NRG3: variants seen among roughly 807,000 people sequenced by gnomAD.
The protein encoded by NRG3 is neuregulin 3.
In NRG3, 31 loss-of-function variants were observed where a neutral mutation model predicts 66.9. The observed-to-expected ratio is 0.46, with a 90% CI of 0.35 to 0.63. The LOEUF (loss-of-function observed/expected upper bound fraction) is 0.63, where lower values mean the gene tolerates loss of function less well. Ranked by LOEUF, NRG3 falls within the 20% of genes least tolerant of loss-of-function variation. The probability of loss-of-function intolerance (pLI) is 0.00; values close to 1 mark genes in which losing one functional copy is unlikely to be tolerated. For synonymous variants in NRG3, 393 were observed against 359.4 expected, an observed-to-expected ratio of 1.09 and a Z score of -1.06; for missense variants, 910 against 878.9, an observed-to-expected ratio of 1.04 and a Z score of -0.45.
At chr10:82,058,517 G>A (rs1389813150) in intron 1 of NRG3, among the ~76,000 whole-genome samples, 1 of 150,878 alleles carries the variant, frequency 6.6e-6, no homozygotes, top group African/African-American at 2.4e-5. Flanking sequence ...ATGCTTTTAT[G>A]TATAGGTATG....
chr10:82,670,017 T>G (rs1423663414), intron 2 of NRG3, among the ~76,000 whole-genome samples: 1 of 152,100 alleles, frequency 6.6e-6, no homozygotes, highest in Admixed American at 6.5e-5. Flanking sequence ...GAGAGAGTAC[T>G]TTACTGAGAA....
intron 1 of NRG3, among the ~76,000 whole-genome samples, chr10:82,082,288 C>A (rs1408716696): frequency 6.6e-6 from 1 of 152,288 alleles, no homozygotes; most frequent in South Asian, 2.1e-4. Flanking sequence ...CATAGCTTCT[C>A]ACTAAAATAA....
chr10:82,011,795 G>T (rs1467665268), intron 1 of NRG3, among the ~76,000 whole-genome samples: 1 of 152,218 alleles, frequency 6.6e-6, no homozygotes, highest in African/African-American at 2.4e-5. Context: ...AAGTCATGCT[G>T]ACGGAAGAGA....
At chr10:82,173,674 A>AACAC (rs3037392) in intron 1 of NRG3, among the ~76,000 whole-genome samples, 3,999 of 146,536 alleles carry the variant, frequency 0.027, 130 homozygotes, top group East Asian at 0.09. Flanking sequence ...TGCATATGTG[A>AACAC]ACACACACAC....
At chr10:82,707,136 CTT>C (rs1332458266) in intron 2 of NRG3, among the ~76,000 whole-genome samples, 1 of 150,392 alleles carries the variant, frequency 6.6e-6, no homozygotes, top group East Asian at 1.9e-4. Flanking sequence ...TGCATATTAA[CTT>C]GAGGGTCTTT....
chr10:82,782,135 A>G (rs958403869), intron 3 of NRG3, among the ~76,000 whole-genome samples: 1 of 152,120 alleles, frequency 6.6e-6, no homozygotes, highest in African/African-American at 2.4e-5. Flanking sequence ...TTTATCCCCA[A>G]AATTCATGTG....
At chr10:82,948,599 T>A (rs1167055347) in intron 4 of NRG3, among the ~76,000 whole-genome samples, 1 of 152,122 alleles carries the variant, frequency 6.6e-6, no homozygotes, top group Non-Finnish European at 1.5e-5. Flanking sequence ...TAGATCTTCT[T>A]TTAAGCTTTT....
intron 1 of NRG3, among the ~76,000 whole-genome samples, chr10:82,140,593 G>A (rs1307041884): frequency 3.3e-5 from 5 of 152,056 alleles, no homozygotes; most frequent in African/African-American, 1.2e-4. Context: ...CTGGCTGGGT[G>A]CAGTGACTCA....
rs181290572 is a variant in NRG3, at chr10:82,800,401, A to G, written c.1027+61751A>G. On this transcript the variant is annotated intron_variant, in intron 3 of 8. Coordinates refer to ENST00000372141, the MANE Select transcript of NRG3 (RefSeq NM_001010848.4). ...TTTTTACCTACGGGCAAGAAAGGGA[A>G]ACATATTCAACCACTAACATTGACT... is the stretch of plus-strand genomic sequence containing the variant. 3.8e-4 allele frequency among the ~76,000 whole-genome samples: 58 copies of G among 152,150 alleles called. 1 individual carries two copies. Among genetic ancestry groups the G allele is most frequent in the Admixed American group, 9.8e-4 (15 of 15,286 alleles).
In NRG3 at chr10:82,898,822, C is replaced by T. The variant is rs184494672; in HGVS notation, c.1054+33385C>T. ...CTGCAGCCTCTGCCTCTCGGGTTCA[C>T]GCCATTTTTCTGCCTCAGCCTCCCT... On this transcript the variant is annotated intron_variant, in intron 4 of 8. Coordinates refer to ENST00000372141, the MANE Select transcript of NRG3 (RefSeq NM_001010848.4). Among the ~76,000 whole-genome samples, 449 of 147,740 alleles carry T rather than the reference C, an allele frequency of 3.0e-3. 3 individuals carry two copies. The highest frequency in any genetic ancestry group is 3.7e-3 in the Non-Finnish European group (251 of 67,492).
intron 1 of NRG3, among the ~76,000 whole-genome samples, chr10:81,900,887 T>C (rs1844001940): frequency 6.6e-6 from 1 of 152,032 alleles, no homozygotes; most frequent in African/African-American, 2.4e-5. Flanking sequence ...AGTAAAACAT[T>C]TTAAAAGAGG....
At chr10:82,602,943 T>G (rs1234646470) in intron 2 of NRG3, among the ~76,000 whole-genome samples, 1 of 152,160 alleles carries the variant, frequency 6.6e-6, no homozygotes, top group African/African-American at 2.4e-5. Context: ...CAATTCCAGT[T>G]TGCATGTGGC....
chr10:81,881,325 G>A (rs893078028), intron 1 of NRG3, among the ~76,000 whole-genome samples: 1 of 151,898 alleles, frequency 6.6e-6, no homozygotes, highest in Non-Finnish European at 1.5e-5. Context: ...GTAAGTTAGA[G>A]TGCTTAAGTT....
intron 2 of NRG3, among the ~76,000 whole-genome samples, chr10:82,536,842 A>C (rs1590555417): frequency 6.6e-6 from 1 of 151,626 alleles, no homozygotes; most frequent in South Asian, 2.1e-4. Context: ...CAAATTATTA[A>C]ATAATTTTTA....
At chr10:82,010,343 G>A (rs1179604258) in intron 1 of NRG3, among the ~76,000 whole-genome samples, 2 of 152,060 alleles carry the variant, frequency 1.3e-5, no homozygotes, top group Admixed American at 1.3e-4. Context: ...AGTCTTAATG[G>A]GAGAAATATT....
chr10:82,141,342 G>C (rs986558987), intron 1 of NRG3, among the ~76,000 whole-genome samples: 7 of 152,072 alleles, frequency 4.6e-5, no homozygotes, highest in Admixed American at 3.9e-4. Flanking sequence ...CATTAGGGTC[G>C]ACCTTCCCTG....
intron 1 of NRG3, among the ~76,000 whole-genome samples, chr10:82,250,604 T>C (rs1183908864): frequency 6.6e-6 from 1 of 152,150 alleles, no homozygotes; most frequent in Non-Finnish European, 1.5e-5. Context: ...ACAGAATGAC[T>C]TCTGCTGAGA....
chr10:82,775,023 T>C lies in NRG3; in HGVS notation c.1027+36373T>C, dbSNP rs537726848. Among the ~76,000 whole-genome samples the C allele has an allele frequency of 1.2e-4, 18 of 151,610 alleles. No homozygotes were observed. The East Asian group carries it at 1.4e-3, about 12-fold the overall frequency. ...TGTATTTTTAGTAGAGACAGAGTTTTGCCATGTTGGCCAGGCTGGTCTTGA... is the reference window on the plus strand; with the variant it reads ...TGTATTTTTAGTAGAGACAGAGTTTCGCCATGTTGGCCAGGCTGGTCTTGA... On this transcript the variant is annotated intron_variant, in intron 3 of 8. Coordinates refer to ENST00000372141, the MANE Select transcript of NRG3 (RefSeq NM_001010848.4).
chr10:82,912,645 T>C (rs932223904), intron 4 of NRG3, among the ~76,000 whole-genome samples: 1 of 152,210 alleles, frequency 6.6e-6, no homozygotes, highest in African/African-American at 2.4e-5. Context: ...TTTATATTTA[T>C]AGTGATTTTT....
Sources: gnomAD v4.1 joint callset for allele counts (sites outside exome capture counted in the v4.1 genomes callset) on GRCh38, gnomAD v4.1.1 for gene constraint, MANE v1.5 for transcripts, NCBI Gene and HGNC (gene_info 2026-07-23, HGNC 2026-07-21) for gene names.